Variants in DOK5 observed in about 807,000 individuals in gnomAD.
The protein encoded by DOK5 is docking protein 5.
In DOK5, 27 loss-of-function variants were observed where a neutral mutation model predicts 43.3. The observed-to-expected ratio is 0.62, with a 90% CI of 0.46 to 0.86. The LOEUF is 0.86. Ranked by LOEUF, DOK5 falls within the 40% of genes least tolerant of loss-of-function variation. The probability of loss-of-function intolerance (pLI) is 0.00; values close to 1 mark genes in which losing one functional copy is unlikely to be tolerated. For synonymous variants in DOK5, 146 were observed against 140.1 expected (o/e 1.04, Z -0.30); for missense variants, 373 against 392.9 (o/e 0.95, Z 0.43).
chr20:54,617,566 C>G (rs6023415), intron 6 of DOK5, among the ~76,000 whole-genome samples: 2,701 of 152,192 alleles, frequency 0.018, 93 homozygotes, highest in African/African-American at 0.062. Context: ...TTTAAGCAAA[C>G]CTTTTTCCTC....
chr20:54,569,167 A>G (rs1295442438), intron 2 of DOK5, among the ~76,000 whole-genome samples: 1 of 152,172 alleles, frequency 6.6e-6, no homozygotes, highest in Non-Finnish European at 1.5e-5. Context: ...CATATTATAC[A>G]TATTATATTT....
At chr20:54,577,318 G>T (rs1480687474) in intron 2 of DOK5, among the ~76,000 whole-genome samples, 1 of 152,184 alleles carries the variant, frequency 6.6e-6, no homozygotes, top group African/African-American at 2.4e-5. Context: ...TTGAGAAGTA[G>T]ATTTATAATT....
chr20:54,505,000 T>G (rs2146681710), intron 1 of DOK5, among the ~76,000 whole-genome samples: 1 of 152,230 alleles, frequency 6.6e-6, no homozygotes, highest in East Asian at 1.9e-4. Flanking sequence ...GATGCTTCTA[T>G]TCATATCTGT....
intron 1 of DOK5, among the ~76,000 whole-genome samples, chr20:54,487,379 C>G (rs2146663775): frequency 6.6e-6 from 1 of 152,170 alleles, no homozygotes; most frequent in African/African-American, 2.4e-5. Context: ...GACATTTTCT[C>G]TCAAGTGATA....
At chr20:54,630,985 C>A (rs1245241369) in intron 6 of DOK5, among the ~76,000 whole-genome samples, 1 of 152,114 alleles carries the variant, frequency 6.6e-6, no homozygotes, top group Non-Finnish European at 1.5e-5. Context: ...TTTAATTTTA[C>A]TGTCTCATCT....
intron 1 of DOK5, among the ~76,000 whole-genome samples, chr20:54,545,135 A>G (rs933862662): frequency 6.6e-6 from 1 of 152,218 alleles, no homozygotes; most frequent in African/African-American, 2.4e-5. Context: ...AGGCAAGATG[A>G]GGGCTGATTA....
intron 6 of DOK5, among the ~76,000 whole-genome samples, chr20:54,629,499 C>A (rs941995859): frequency 6.6e-6 from 1 of 152,170 alleles, no homozygotes; most frequent in Non-Finnish European, 1.5e-5. Context: ...TTACCAGATT[C>A]CTTTGAATCT....
rs1979668703 is a variant in DOK5 at position 54,650,924 on chromosome 20, T to C, written c.*445T>C. ...CACCCTATTCCTCAGTTATTATTAC[T>C]GTGGTTCTGATTAACTACTGGAAAT... On this transcript the variant is annotated 3_prime_UTR_variant, in exon 8 of 8. Coordinates refer to ENST00000262593, the MANE Select transcript of DOK5 (RefSeq NM_018431.5). 6.5e-6 allele frequency: 1 copy of C among 154,984 alleles called. No homozygotes were observed. Among genetic ancestry groups the C allele is most frequent in the Non-Finnish European group, 1.4e-5 (1 of 69,884 alleles). 9.6% of individuals were successfully genotyped at this position (154,984 alleles called of 1,614,324 possible). A position where few individuals can be genotyped will look rare whatever the true frequency, so the allele number is the denominator to read the frequency against.
At chr20:54,606,630 C>G (rs916500792) in intron 5 of DOK5, among the ~76,000 whole-genome samples, 1 of 152,078 alleles carries the variant, frequency 6.6e-6, no homozygotes. Flanking sequence ...GTTAGCCCAT[C>G]ATATGGTTTT....
chr20:54,505,204 A>G (rs537315780), intron 1 of DOK5, among the ~76,000 whole-genome samples: 1 of 152,248 alleles, frequency 6.6e-6, no homozygotes, highest in Admixed American at 6.5e-5. Flanking sequence ...GTGAGGATTA[A>G]ATCAGGGGTT....
At position 54,475,682 on chromosome 20, in the gene DOK5, A is replaced by C; in HGVS notation, c.-265A>C. 1 of 530,936 alleles carries C rather than the reference A, an allele frequency of 1.9e-6. No homozygotes were observed. The allele number at this position is 530,936 out of a possible 1,614,324, so 32.9% of individuals were successfully genotyped here. A position where few individuals can be genotyped will look rare whatever the true frequency, so the allele number is the denominator to read the frequency against. On this transcript the variant is annotated 5_prime_UTR_variant, in exon 1 of 8. Transcript: ENST00000262593. This position sits in a 1 kb window ranked among gnomAD's most constrained non-coding sequence, Gnocchi z 4.2. ...CTCCTGGCAGGCCGGCCGCGGAGTC[A>C]GCTGACGCCGGCGCTCCAGCCTCGC...
At chr20:54,598,024 T>C (rs971448119) in intron 5 of DOK5, among the ~76,000 whole-genome samples, 1 of 152,198 alleles carries the variant, frequency 6.6e-6, no homozygotes, top group Non-Finnish European at 1.5e-5. Context: ...GTTCTTAGTT[T>C]GACTTGACTT....
intron 1 of DOK5, among the ~76,000 whole-genome samples, chr20:54,511,287 G>A (rs1032953466): frequency 2.6e-5 from 4 of 152,164 alleles, no homozygotes; most frequent in African/African-American, 9.7e-5. Flanking sequence ...ATACCATAGT[G>A]CCTGATACAT....
At chr20:54,561,007 G>C (rs1220284419) in intron 2 of DOK5, among the ~76,000 whole-genome samples, 2 of 152,194 alleles carry the variant, frequency 1.3e-5, no homozygotes, top group Admixed American at 6.5e-5. Context: ...CCAGGGAGTT[G>C]TCTTTGACTT....
At chr20:54,555,081 A>G (rs1246935586) in intron 2 of DOK5, 41 bp downstream of exon 2, 1 of 1,363,854 alleles carries the variant, frequency 7.3e-7, no homozygotes, top group African/African-American at 1.4e-5. Flanking sequence ...ATCTATTTAC[A>G]GGGAGGCAAC....
chr20:54,541,861 T>C (rs1475688673), intron 1 of DOK5, among the ~76,000 whole-genome samples: 3 of 152,166 alleles, frequency 2.0e-5, no homozygotes, highest in Non-Finnish European at 4.4e-5. Flanking sequence ...ATGCTGGACA[T>C]GTGTCTGACT....
intron 1 of DOK5, among the ~76,000 whole-genome samples, chr20:54,510,315 T>G (rs909324753): frequency 5.3e-5 from 8 of 152,322 alleles, no homozygotes; most frequent in African/African-American, 1.9e-4. Flanking sequence ...TGACACTTAA[T>G]TTTAAAATAT....
chr20:54,531,952 T>C (rs1456736875), intron 1 of DOK5, among the ~76,000 whole-genome samples: 2 of 152,208 alleles, frequency 1.3e-5, no homozygotes, highest in African/African-American at 4.8e-5. Flanking sequence ...AGAAAGGTCA[T>C]GTGTTCTGAG....
chr20:54,591,539 A>G, intron 4 of DOK5, 77 bp from the exon 5 acceptor site: 1 of 1,139,154 alleles, frequency 8.8e-7, no homozygotes, highest in South Asian at 1.8e-5. Flanking sequence ...ATTGTTTTTA[A>G]ATGCCTCTAT....
Sources: gnomAD v4.1 joint callset for allele counts (sites outside exome capture counted in the v4.1 genomes callset) on GRCh38, gnomAD v4.1.1 for gene constraint, Gnocchi (gnomAD v3.1) non-coding constraint, MANE v1.5 for transcripts, NCBI Gene and HGNC (gene_info 2026-07-23, HGNC 2026-07-21) for gene names.